PARD3: variants seen among roughly 807,000 people sequenced by gnomAD.
The protein encoded by PARD3 is par-3 family cell polarity regulator.
In PARD3, 75 loss-of-function variants were observed where a neutral mutation model predicts 155.4. The observed-to-expected ratio is 0.48, with a 90% CI of 0.40 to 0.58. PARD3 has a LOEUF of 0.58. Ranked by LOEUF, PARD3 falls within the 20% of genes least tolerant of loss-of-function variation. PARD3 has a pLI of 0.00. For synonymous variants in PARD3, 576 were observed against 610.5 expected, an observed-to-expected ratio of 0.94 and a Z score of 0.83; for missense variants, 1,642 against 1,721.7, an observed-to-expected ratio of 0.95 and a Z score of 0.82.
rs978903261 is a variant in PARD3 at position 34,334,265 on chromosome 10, T to C, written c.2605+1934A>G. The stretch of plus-strand genomic sequence containing the variant: ...AAATATGATACAAGATTCCTAAATA[T>C]GGAAAAAAAAAGAGGGAAATCATAA... On this transcript the variant is annotated intron_variant, in intron 18 of 24. Transcript: ENST00000374788. Among the ~76,000 whole-genome samples, 12 of 137,270 alleles carry C rather than the reference T, an allele frequency of 8.7e-5. No homozygotes were observed. The East Asian group carries it at 2.1e-3, about 24-fold the overall frequency. The allele number at this position is 137,270 out of a possible 152,430, so 90.1% of individuals were successfully genotyped here.
intron 5 of PARD3, among the ~76,000 whole-genome samples, chr10:34,424,505 A>G (rs539152122): frequency 1.3e-5 from 2 of 151,848 alleles, no homozygotes; most frequent in East Asian, 3.9e-4. Context: ...CTAACTTTAC[A>G]TTTTTTATTT....
At chr10:34,616,071 C>T (rs565309856) in intron 2 of PARD3, among the ~76,000 whole-genome samples, 1 of 152,162 alleles carries the variant, frequency 6.6e-6, no homozygotes, top group Non-Finnish European at 1.5e-5. Context: ...GTAATTCTAG[C>T]ACTTTAGGAG....
chr10:34,360,049 G>T (rs745824261), intron 13 of PARD3, 22 bp downstream of exon 13: 4 of 1,587,590 alleles, frequency 2.5e-6, no homozygotes, highest in Non-Finnish European at 2.6e-6. Flanking sequence ...ATAGGCATAC[G>T]CATGATAAAG....
At chr10:34,753,535 T>C (rs965430399) in intron 1 of PARD3, among the ~76,000 whole-genome samples, 1 of 152,244 alleles carries the variant, frequency 6.6e-6, no homozygotes, top group Non-Finnish European at 1.5e-5. Flanking sequence ...GCTCATGTTC[T>C]GGTGAATAAC....
intron 10 of PARD3, among the ~76,000 whole-genome samples, chr10:34,376,157 T>C (rs1188954849): frequency 6.6e-6 from 1 of 152,202 alleles, no homozygotes; most frequent in African/African-American, 2.4e-5. Context: ...ATCAATATTG[T>C]ATAGCTACAA....
intron 7 of PARD3, among the ~76,000 whole-genome samples, chr10:34,389,645 G>A (rs890925759): frequency 2.0e-5 from 3 of 152,130 alleles, no homozygotes; most frequent in African/African-American, 7.2e-5. Flanking sequence ...ACATCACAAC[G>A]GTAGGGAAGG....
chr10:34,559,901 G>A (rs2085323089), intron 2 of PARD3, among the ~76,000 whole-genome samples: 1 of 152,190 alleles, frequency 6.6e-6, no homozygotes, highest in African/African-American at 2.4e-5. Flanking sequence ...GATCCCGGGA[G>A]ATGAACTGAG....
At chr10:34,501,797 A>T (rs74132033) in intron 3 of PARD3, among the ~76,000 whole-genome samples, 4,687 of 152,080 alleles carry the variant, frequency 0.031, 240 homozygotes, top group African/African-American at 0.11. Context: ...CTTACATCAT[A>T]CATGTGATTA....
intron 2 of PARD3, among the ~76,000 whole-genome samples, chr10:34,541,006 T>A (rs944262197): frequency 5.3e-5 from 8 of 152,072 alleles, no homozygotes; most frequent in African/African-American, 1.9e-4. Flanking sequence ...ATCCTTAATT[T>A]AAGATATAAG....
At chr10:34,260,542 C>A (rs1352295333) in intron 22 of PARD3, among the ~76,000 whole-genome samples, 1 of 152,104 alleles carries the variant, frequency 6.6e-6, no homozygotes, top group African/African-American at 2.4e-5. Flanking sequence ...AAGGGACCAA[C>A]AAAGTTTGGA....
At chr10:34,315,134 T>G (rs1247965084) in intron 20 of PARD3, among the ~76,000 whole-genome samples, 1 of 152,218 alleles carries the variant, frequency 6.6e-6, no homozygotes, top group Non-Finnish European at 1.5e-5. Flanking sequence ...AAAGCTGGCT[T>G]TCATTATAGG....
intron 21 of PARD3, among the ~76,000 whole-genome samples, chr10:34,280,874 G>C (rs779112206): frequency 6.6e-6 from 1 of 152,104 alleles, no homozygotes; most frequent in African/African-American, 2.4e-5. Flanking sequence ...ACATGAACTT[G>C]GTAGAATTTT....
intron 3 of PARD3, among the ~76,000 whole-genome samples, chr10:34,490,122 G>T (rs111635637): frequency 0.012 from 1,777 of 152,226 alleles, 31 homozygotes; most frequent in African/African-American, 0.038. Flanking sequence ...CGGTAGGAGT[G>T]CAGTAAATGC....
intron 2 of PARD3, among the ~76,000 whole-genome samples, chr10:34,541,129 C>G (rs1393323151): frequency 6.6e-6 from 1 of 152,126 alleles, no homozygotes; most frequent in Non-Finnish European, 1.5e-5. Context: ...TTTTAGAAGA[C>G]AAAGCCACGT....
chr10:34,627,774 A>C (rs2092057193), intron 2 of PARD3, among the ~76,000 whole-genome samples: 1 of 152,226 alleles, frequency 6.6e-6, no homozygotes, highest in Non-Finnish European at 1.5e-5. Flanking sequence ...CAAGCCATCC[A>C]GTTCTTGGTA....
rs551278167 is a variant in PARD3, at chr10:34,762,263, A to T, written c.120+52613T>A. On this transcript the variant is annotated intron_variant, in intron 1 of 24. Coordinates refer to ENST00000374788, the MANE Select transcript of PARD3 (RefSeq NM_001184785.2). ...GAGAGAGGCAGGGAGGGAGAGGGAG[A>T]GAGAGAGAGACAAAGAGACAGAGAG... Among the ~76,000 whole-genome samples, 502 of 142,868 alleles carry T rather than the reference A, an allele frequency of 3.5e-3. 3 individuals carry two copies. The highest frequency in any genetic ancestry group is 0.012 in the African/African-American group (473 of 39,346). The allele number at this position is 142,868 out of a possible 152,430, so 93.7% of individuals were successfully genotyped here. A position where few individuals can be genotyped will look rare whatever the true frequency, so the allele number is the denominator to read the frequency against.
chr10:34,195,511 C>T (rs1950896800), intron 22 of PARD3, among the ~76,000 whole-genome samples: 1 of 152,088 alleles, frequency 6.6e-6, no homozygotes, highest in African/African-American at 2.4e-5. Context: ...ATCCTTTAAA[C>T]AGACATAATC....
chr10:34,119,577 G>C (rs190768852), intron 24 of PARD3, 36 bp downstream of exon 24: 2 of 1,564,834 alleles, frequency 1.3e-6, no homozygotes, highest in South Asian at 1.1e-5. Flanking sequence ...TTAAAGGGCC[G>C]GGGGGATCTG....
intron 2 of PARD3, among the ~76,000 whole-genome samples, chr10:34,589,317 C>T (rs921498153): frequency 3.3e-5 from 5 of 152,134 alleles, no homozygotes; most frequent in Non-Finnish European, 5.9e-5. Flanking sequence ...CAAAATGTCA[C>T]GTTGAAGTCC....
Sources: allele counts gnomAD v4.1 joint callset (sites outside exome capture counted in the v4.1 genomes callset), GRCh38; gene constraint gnomAD v4.1.1; transcripts MANE v1.5; gene names NCBI Gene and HGNC (gene_info 2026-07-23, HGNC 2026-07-21).